The following GUCY1A1 variants were observed in gnomAD, a reference collection of about 807,000 sequenced individuals.
GUCY1A1 encodes the protein guanylate cyclase soluble subunit alpha-1.
Under a neutral mutation model 64.5 loss-of-function variants are expected in GUCY1A1, and 48 were observed. That is an observed-to-expected ratio of 0.74 (90% confidence interval 0.59 to 0.95). The LOEUF is 0.95. GUCY1A1 is among the 40% of genes least tolerant of loss of function. The probability of loss-of-function intolerance (pLI) is 0.00; values close to 1 mark genes in which losing one functional copy is unlikely to be tolerated. For synonymous variants in GUCY1A1, 308 were observed against 303.4 expected (o/e 1.02, Z -0.16); for missense variants, 804 against 825.3 (o/e 0.97, Z 0.32).
At chr4:155,697,728 C>T (rs562311610) in intron 3 of GUCY1A1, among the ~76,000 whole-genome samples, 15 of 152,234 alleles carry the variant, frequency 9.9e-5, no homozygotes, top group African/African-American at 2.9e-4. Context: ...CCTACACCTG[C>T]GTGTTATTAG....
At chr4:155,677,492 C>T (rs1007271993) in intron 2 of GUCY1A1, among the ~76,000 whole-genome samples, 1 of 152,112 alleles carries the variant, frequency 6.6e-6, no homozygotes, top group African/African-American at 2.4e-5. Flanking sequence ...CTAGATAGTG[C>T]AGCCGTGGAT....
chr4:155,712,522 T>C (rs989764360), intron 6 of GUCY1A1, among the ~76,000 whole-genome samples: 1 of 152,132 alleles, frequency 6.6e-6, no homozygotes, highest in African/African-American at 2.4e-5. Flanking sequence ...TCCAGGATGA[T>C]CACTTGAAGC....
At chr4:155,720,836 GA>G (rs1217479345) in intron 8 of GUCY1A1, among the ~76,000 whole-genome samples, 16 of 152,232 alleles carry the variant, frequency 1.1e-4, no homozygotes, top group African/African-American at 3.6e-4. Flanking sequence ...CAAAGAGTTT[GA>G]AAATAATTAA....
At chr4:155,693,740 C>T (rs370550200) in intron 2 of GUCY1A1, among the ~76,000 whole-genome samples, 6 of 152,064 alleles carry the variant, frequency 3.9e-5, no homozygotes, top group East Asian at 1.9e-4. Context: ...AAACACTGTT[C>T]GGCTTATTTC....
chr4:155,729,952 AACAT>A, intron 9 of GUCY1A1, 74 bp from the exon 10 acceptor site: 1 of 851,374 alleles, frequency 1.2e-6, no homozygotes, highest in Non-Finnish European at 1.9e-6. Flanking sequence ...TATTCTCAGT[AACAT>A]TCAGTTAGTT....
intron 2 of GUCY1A1, among the ~76,000 whole-genome samples, chr4:155,684,238 A>T (rs375140473): frequency 1.3e-5 from 2 of 152,210 alleles, no homozygotes; most frequent in Non-Finnish European, 2.9e-5. Context: ...TAATGGGAAA[A>T]GACTCAGCCT....
rs371696776 is a variant in GUCY1A1 at position 155,696,877 on chromosome 4, A to G, written c.10A>G (p.Thr4Ala). The G allele has an allele frequency of 7.4e-6, 12 of 1,613,518 alleles. No individual in the cohort carries two copies. Among genetic ancestry groups the G allele is most frequent in the African/African-American group, 2.7e-5 (2 of 74,898 alleles). The change falls in exon 3 of 10, where the codon ACG (threonine) becomes GCG (alanine). Residue 4 changes from threonine (T) to alanine (A), a missense_variant. Transcript: ENST00000506455. MFC[T>A]KLKDLKITGE... ...AAGAGACACCAACACCATGTTCTGC[A>G]CGAAGCTCAAGGATCTCAAGATCAC...
Position 155,692,806 on chromosome 4 carries a change from C to T in GUCY1A1, c.-112-3950C>T, listed in dbSNP as rs569078251. On this transcript the variant is annotated intron_variant, in intron 2 of 9. Transcript: ENST00000506455. ...GGGCATGGTGGCTCACGTCTGTAAT[C>T]CCAGTGCTTTGGGAGACTGAGGCAC... Among the ~76,000 whole-genome samples, 3 of 152,276 alleles carry T rather than the reference C, an allele frequency of 2.0e-5. No individual in the cohort carries two copies. In the East Asian group the frequency reaches 5.8e-4, roughly 29 times the overall value.
At chr4:155,708,487 T>C (rs576961399) in intron 5 of GUCY1A1, among the ~76,000 whole-genome samples, 193 bp downstream of exon 5, 1 of 152,342 alleles carries the variant, frequency 6.6e-6, no homozygotes, top group South Asian at 2.1e-4. Flanking sequence ...TTTCTCTGTT[T>C]ATGTTTACTT....
chr4:155,725,773 A>T (rs1332672252), intron 9 of GUCY1A1, among the ~76,000 whole-genome samples: 1 of 152,074 alleles, frequency 6.6e-6, no homozygotes, highest in Non-Finnish European at 1.5e-5. Context: ...ATGTTGACAT[A>T]TATTTCTGAC....
intron 3 of GUCY1A1, among the ~76,000 whole-genome samples, chr4:155,699,382 A>G (rs1730805579): frequency 6.6e-6 from 1 of 152,134 alleles, no homozygotes; most frequent in African/African-American, 2.4e-5. Context: ...TCTTTTTCCT[A>G]GGAAAATGTA....
chr4:155,676,799 G>A (rs1326649672), intron 2 of GUCY1A1, among the ~76,000 whole-genome samples: 2 of 151,130 alleles, frequency 1.3e-5, no homozygotes, highest in Admixed American at 1.3e-4. Context: ...ACCTTTTTTT[G>A]TTTTCCAGTC....
chr4:155,718,932 G>C (rs144759441), intron 8 of GUCY1A1, among the ~76,000 whole-genome samples: 10 of 152,064 alleles, frequency 6.6e-5, no homozygotes, highest in African/African-American at 2.4e-4. Flanking sequence ...ATTTATTTTC[G>C]ATAATTGCAT....
At chr4:155,679,807 G>C (rs1380554501) in intron 2 of GUCY1A1, among the ~76,000 whole-genome samples, 2 of 152,118 alleles carry the variant, frequency 1.3e-5, no homozygotes, top group African/African-American at 4.8e-5. Flanking sequence ...ATTTCCAGTT[G>C]TTCCAATGGC....
intron 2 of GUCY1A1, among the ~76,000 whole-genome samples, chr4:155,684,435 G>A (rs539471814): frequency 8.4e-4 from 128 of 152,270 alleles, no homozygotes; most frequent in African/African-American, 2.8e-3. Context: ...TCAAGGATCT[G>A]TGTCCCAGTG....
At chr4:155,688,630 A>G (rs1729327019) in intron 2 of GUCY1A1, among the ~76,000 whole-genome samples, 1 of 152,170 alleles carries the variant, frequency 6.6e-6, no homozygotes, top group African/African-American at 2.4e-5. Flanking sequence ...TAAATCAAAC[A>G]TTGATTAGTG....
chr4:155,734,264 C>T lies in GUCY1A1; in HGVS notation c.*4033C>T, dbSNP rs1735846143. Among the ~76,000 whole-genome samples, 1 of 151,894 alleles carries T rather than the reference C, an allele frequency of 6.6e-6. No homozygotes were observed. The highest frequency in any genetic ancestry group is 1.5e-5 in the Non-Finnish European group (1 of 67,912). ...CCTCTGAGATTACCCAGCTGGAAAA[C>T]TGCCCAGATGGAGCTTTACATGCAA... On this transcript the variant is annotated 3_prime_UTR_variant, in exon 10 of 10. Coordinates refer to ENST00000506455, the MANE Select transcript of GUCY1A1 (RefSeq NM_001130682.3).
At chr4:155,726,299 T>C (rs758032647) in intron 9 of GUCY1A1, among the ~76,000 whole-genome samples, 15 of 152,010 alleles carry the variant, frequency 9.9e-5, no homozygotes, top group Non-Finnish European at 1.5e-5. Flanking sequence ...ACATTTTAAA[T>C]TCCTTTCTTT....
chr4:155,722,135 ACAAATTTGAGTCCTG>A lies in GUCY1A1; in HGVS notation c.1817_1831del (p.Lys606_Cys610del), dbSNP rs1244157917. 10 of 1,613,482 alleles carry A rather than the reference ACAAATTTGAGTCCTG, an allele frequency of 6.2e-6. No homozygotes were observed. The highest frequency in any genetic ancestry group is 8.5e-6 in the Non-Finnish European group (10 of 1,179,652). ...TTTGGAAACAATGTCACTCTGGCTA[ACAAATTTGAGTCCTG>A]CAGTGTACCACGAAAAATCAATGTC... On this transcript the variant is annotated inframe_deletion, in exon 9 of 10. Transcript: ENST00000506455.
Sources: gnomAD v4.1 joint callset for allele counts (sites outside exome capture counted in the v4.1 genomes callset) on GRCh38, gnomAD v4.1.1 for gene constraint, MANE v1.5 for transcripts, NCBI Gene and HGNC (gene_info 2026-07-23, HGNC 2026-07-21) for gene names.